The following NTRK2 variants were observed in gnomAD, a reference collection of about 807,000 sequenced individuals.
NTRK2 encodes neurotrophic receptor tyrosine kinase 2.
Under a neutral mutation model 94.5 loss-of-function variants are expected in NTRK2, and 13 were observed. The ratio of observed to expected loss-of-function variants is 0.14; its 90% CI spans 0.09 to 0.22. The LOEUF (loss-of-function observed/expected upper bound fraction) is 0.22. NTRK2 is among the 10% of genes least tolerant of loss of function. The pLI is 1.00. For synonymous variants in NTRK2, 372 were observed against 407.4 expected (o/e 0.91, Z 1.05); for missense variants, 639 against 1,071.2 (o/e 0.60, Z 5.63).
intron 14 of NTRK2, among the ~76,000 whole-genome samples, chr9:84,889,180 C>T (rs896579622): frequency 4.7e-5 from 7 of 148,720 alleles, no homozygotes; most frequent in Non-Finnish European, 7.4e-5. Context: ...TTAGTAGAGA[C>T]GGGGTTTCAC....
At chr9:84,967,499 T>A (rs1718667156) in intron 17 of NTRK2, among the ~76,000 whole-genome samples, 1 of 152,266 alleles carries the variant, frequency 6.6e-6, no homozygotes, top group African/African-American at 2.4e-5. Flanking sequence ...TATTAGCAGC[T>A]ATTTTAGAAT....
At chr9:84,851,482 C>T (rs2074766223) in intron 12 of NTRK2, among the ~76,000 whole-genome samples, 1 of 152,118 alleles carries the variant, frequency 6.6e-6, no homozygotes, top group African/African-American at 2.4e-5. Context: ...TGTGTATAAT[C>T]CTGTTATGTT....
At chr9:84,920,803 G>T (rs149517392) in intron 14 of NTRK2, among the ~76,000 whole-genome samples, 1 of 152,138 alleles carries the variant, frequency 6.6e-6, no homozygotes, top group East Asian at 1.9e-4. Flanking sequence ...TTCTAAGGAG[G>T]TGCTGCTGGA....
At chr9:84,689,312 TC>T (rs2059906467) in intron 2 of NTRK2, among the ~76,000 whole-genome samples, 2 of 152,226 alleles carry the variant, frequency 1.3e-5, no homozygotes, top group Admixed American at 6.5e-5. Context: ...ATTACTCTCA[TC>T]GTGTAGGACC....
chr9:84,867,545 GT>G, intron 14 of NTRK2, 114 bp downstream of exon 14: 1 of 927,292 alleles, frequency 1.1e-6, no homozygotes, highest in East Asian at 2.4e-5. Flanking sequence ...GCAGTGAAAT[GT>G]TTGAGGATTC....
intron 11 of NTRK2, among the ~76,000 whole-genome samples, chr9:84,748,094 A>C (rs1032479655): frequency 6.6e-6 from 1 of 152,186 alleles, no homozygotes; most frequent in African/African-American, 2.4e-5. Context: ...TTGGATTTGC[A>C]GGGGAGGGCA....
intron 14 of NTRK2, among the ~76,000 whole-genome samples, chr9:84,891,912 C>T (rs1027701727): frequency 1.3e-5 from 2 of 150,756 alleles, no homozygotes; most frequent in African/African-American, 4.9e-5. Flanking sequence ...GCATGTGTCA[C>T]ACTAAAACTG....
intron 12 of NTRK2, chr9:84,811,318 A>AAAG (rs780822326): frequency 2.8e-6 from 3 of 1,066,248 alleles, no homozygotes; most frequent in Non-Finnish European, 1.1e-6. Flanking sequence ...AAACGTTTAA[A>AAAG]AAGAAGAAGA....
chr9:84,829,568 T>G (rs923503629), intron 12 of NTRK2, among the ~76,000 whole-genome samples: 1 of 152,164 alleles, frequency 6.6e-6, no homozygotes, highest in Non-Finnish European at 1.5e-5. Context: ...TCTGGTGTGT[T>G]GAGTGTTCTG....
At chr9:84,841,679 C>T in intron 12 of NTRK2, among the ~76,000 whole-genome samples, 1 of 152,210 alleles carries the variant, frequency 6.6e-6, no homozygotes, top group East Asian at 1.9e-4. Context: ...ACCTGCTAGA[C>T]TGTCCCGGTC....
chr9:84,988,765 G>T (rs923987517), intron 17 of NTRK2, among the ~76,000 whole-genome samples: 1 of 152,242 alleles, frequency 6.6e-6, no homozygotes, highest in African/African-American at 2.4e-5. Context: ...AAGGACCTTG[G>T]AAGGCAGGCA....
intron 14 of NTRK2, among the ~76,000 whole-genome samples, chr9:84,890,150 A>G (rs982158105): frequency 1.3e-5 from 2 of 152,180 alleles, no homozygotes; most frequent in Non-Finnish European, 1.5e-5. Context: ...TGTTGTAGTC[A>G]GTAGCCATCA....
intron 12 of NTRK2, among the ~76,000 whole-genome samples, chr9:84,781,791 G>A (rs1423061287): frequency 6.6e-6 from 1 of 152,058 alleles, no homozygotes; most frequent in Non-Finnish European, 1.5e-5. Flanking sequence ...GTAAATAGAA[G>A]ATAACATCAA....
intron 14 of NTRK2, among the ~76,000 whole-genome samples, chr9:84,879,046 A>C (rs1019049468): frequency 2.6e-5 from 4 of 152,202 alleles, no homozygotes; most frequent in African/African-American, 4.8e-5. Context: ...GAAATAGCAG[A>C]TAAGTGCATG....
At chr9:84,695,415 A>C (rs550036284) in intron 2 of NTRK2, among the ~76,000 whole-genome samples, 1 of 152,364 alleles carries the variant, frequency 6.6e-6, no homozygotes, top group Non-Finnish European at 1.5e-5. Context: ...AAATGTAATG[A>C]GGACCCTTTC....
chr9:84,965,273 C>T (rs1038954422), intron 17 of NTRK2, among the ~76,000 whole-genome samples: 7 of 152,184 alleles, frequency 4.6e-5, no homozygotes, highest in Admixed American at 1.3e-4. Context: ...CTGAATTAAT[C>T]CAAGATAGTT....
chr9:84,877,881 AG>A (rs2132173551), intron 14 of NTRK2: 1 of 1,028,014 alleles, frequency 9.7e-7, no homozygotes, highest in South Asian at 4.6e-5. Flanking sequence ...ATACCAATAA[AG>A]ACAAGACTGT....
At chr9:84,953,433 A>G (rs1212748167) in intron 16 of NTRK2, among the ~76,000 whole-genome samples, 1 of 152,246 alleles carries the variant, frequency 6.6e-6, no homozygotes. Context: ...GTGAGGAAAC[A>G]GGCCCAGAGA....
intron 12 of NTRK2, among the ~76,000 whole-genome samples, chr9:84,848,105 G>GAGAGAT (rs2074562291): frequency 6.6e-6 from 1 of 151,392 alleles, no homozygotes; most frequent in Non-Finnish European, 1.5e-5. Flanking sequence ...GAGAGAGAGA[G>GAGAGAT]AGAGAGCTCA....
Sources: allele counts gnomAD v4.1 joint callset (sites outside exome capture counted in the v4.1 genomes callset), GRCh38; gene constraint gnomAD v4.1.1; transcripts MANE v1.5; gene names NCBI Gene and HGNC (gene_info 2026-07-23, HGNC 2026-07-21).